The following BIRC6 variants were observed in gnomAD, a reference collection of about 807,000 sequenced individuals.
BIRC6 encodes baculoviral IAP repeat containing 6.
In BIRC6, 98 loss-of-function variants were observed where a neutral mutation model predicts 503.3. The ratio of observed to expected loss-of-function variants is 0.19; its 90% confidence interval spans 0.17 to 0.23. The LOEUF (loss-of-function observed/expected upper bound fraction) is 0.23. Ranked by LOEUF, BIRC6 falls within the 10% of genes least tolerant of loss-of-function variation. The probability of loss-of-function intolerance (pLI) is 1.00; values close to 1 mark genes in which losing one functional copy is unlikely to be tolerated. For missense variants in BIRC6, 5,360 were observed against 5,806.0 expected, an observed-to-expected ratio of 0.92 and a Z score of 2.50; for synonymous variants, 2,240 against 2,078.7, an observed-to-expected ratio of 1.08 and a Z score of -2.11.
Position 32,485,652 on chromosome 2 carries a change from C to G in BIRC6, c.7706C>G (p.Ala2569Gly), listed in dbSNP as rs754232222. 2 of 1,611,372 alleles carry G rather than the reference C, an allele frequency of 1.2e-6. No homozygotes were observed. Among genetic ancestry groups the G allele is most frequent in the South Asian group, 2.2e-5 (2 of 90,860 alleles). The part of the protein sequence containing the change: ...VSVSVSQALD[A>G]RLEVGLEQQA... ...CAATTGCTTTTTGTAGCCCTGGATG[C>G]TCGCCTAGAAGTTGGACTTGAACAG... The change falls in exon 40 of 74, where the codon GCT becomes GGT. Residue 2569 changes from alanine (A) to glycine (G), a missense_variant. By Grantham distance (60) the Ala-to-Gly change is moderately conservative. This residue lies in a region of BIRC6 where 2,299 missense variants were observed against 2,267.2 expected (regional missense o/e 1.01). Transcript: ENST00000421745.
At chr2:32,441,701 G>A (rs911097969) in intron 17 of BIRC6, among the ~76,000 whole-genome samples, 2 of 151,992 alleles carry the variant, frequency 1.3e-5, no homozygotes, top group African/African-American at 2.4e-5. Context: ...AATTTGACAC[G>A]TACTCGTCAG....
intron 65 of BIRC6, among the ~76,000 whole-genome samples, chr2:32,560,216 CTT>C (rs2059073828): frequency 2.0e-5 from 3 of 152,050 alleles, no homozygotes; most frequent in Admixed American, 6.5e-5. Context: ...AATTTGATAT[CTT>C]GAGATATTTT....
chr2:32,583,861 A>G (rs1311698521), intron 66 of BIRC6, among the ~76,000 whole-genome samples: 1 of 151,958 alleles, frequency 6.6e-6, no homozygotes, highest in Non-Finnish European at 1.5e-5. Flanking sequence ...CTCCCAAGTA[A>G]CTGGAACTAC....
At chr2:32,591,748 C>T (rs4952295) in intron 66 of BIRC6, among the ~76,000 whole-genome samples, 11,372 of 152,180 alleles carry the variant, frequency 0.075, 624 homozygotes, top group Non-Finnish European at 0.1. Flanking sequence ...ATCATAACTG[C>T]TTTCTGAAAC....
rs188685693 is a variant in BIRC6, at chr2:32,471,222, T to G, written c.6592+98T>G. 425 of 1,467,942 alleles carry G rather than the reference T, an allele frequency of 2.9e-4. 2 individuals are homozygous for G. In the African/African-American group the frequency reaches 5.4e-3, roughly 19 times the overall value. 90.9% of individuals were successfully genotyped at this position (1,467,942 alleles called of 1,614,324 possible). A position where few individuals can be genotyped will look rare whatever the true frequency, so the allele number is the denominator to read the frequency against. ...TTCGCAGTTGTTCCAGAACTGGCTA[T>G]TGGCCTGGAGCTACCAGCTGTATGT... On this transcript the variant is annotated intron_variant, in intron 32 of 73. Coordinates refer to ENST00000421745, the MANE Select transcript of BIRC6 (RefSeq NM_016252.4).
Position 32,479,475 on chromosome 2 carries a change from T to A in BIRC6, c.7266T>A (p.Ala2422=). Residue 2422 remains alanine, a synonymous_variant, in exon 37 of 74, where the codon GCT becomes GCA. Coordinates refer to ENST00000421745, the MANE Select transcript of BIRC6 (RefSeq NM_016252.4). ...LQDILAGELL[A]PVAAEAMEEG... ...CCTTACATACAGGAGAATTACTGGC[T>A]CCAGTAGCCGCAGAAGCCATGGAGG... 1.2e-6 allele frequency: 2 copies of A among 1,600,214 alleles called. No individual in the cohort carries two copies. Among genetic ancestry groups the A allele is most frequent in the Non-Finnish European group, 1.7e-6 (2 of 1,172,898 alleles).
chr2:32,435,651 C>T (rs540583739), intron 14 of BIRC6, 66 bp downstream of exon 14: 61 of 1,443,506 alleles, frequency 4.2e-5, no homozygotes, highest in African/African-American at 1.3e-4. Flanking sequence ...TGCAACATGT[C>T]GGGCAAGATT....
intron 61 of BIRC6, among the ~76,000 whole-genome samples, chr2:32,538,733 C>A (rs1009073279): frequency 2.0e-5 from 3 of 152,220 alleles, no homozygotes; most frequent in African/African-American, 7.2e-5. Context: ...GAGTTCAAGA[C>A]CAGCCTGGCC....
In BIRC6 at chr2:32,540,908, TAAA is replaced by T. The variant is rs550529332; in HGVS notation, c.12292-2330_12292-2328del. Reference sequence around the variant, plus strand: ...TTGTATACATATCTAATATAAGACTTAAAAATTTGTATCTGTATAATGGGTGAT... The same window carrying T: ...TTGTATACATATCTAATATAAGACTTAATTTGTATCTGTATAATGGGTGAT... On this transcript the variant is annotated intron_variant, in intron 61 of 73. Transcript: ENST00000421745. Among the ~76,000 whole-genome samples the T allele has an allele frequency of 4.6e-4, 70 of 152,158 alleles. 1 individual carries two copies. The highest frequency in any genetic ancestry group is 1.6e-3 in the African/African-American group (67 of 41,582).
chr2:32,366,898 C>T (rs1189933039), intron 1 of BIRC6, among the ~76,000 whole-genome samples: 2 of 151,970 alleles, frequency 1.3e-5, no homozygotes, highest in East Asian at 3.9e-4. Flanking sequence ...AGGAGTATCA[C>T]TTGAGTCCAG....
chr2:32,434,873 G>C (rs749468879), intron 13 of BIRC6, among the ~76,000 whole-genome samples: 9 of 152,000 alleles, frequency 5.9e-5, no homozygotes, highest in Non-Finnish European at 1.2e-4. Flanking sequence ...TAAATAAATA[G>C]TATTTGCATG....
At position 32,392,116 on chromosome 2, in the gene BIRC6, C is replaced by A. The variant is rs866592973; in HGVS notation, c.917C>A (p.Pro306Gln). 1 of 1,595,074 alleles carries A rather than the reference C, an allele frequency of 6.3e-7. No individual in the cohort carries two copies. Among genetic ancestry groups the A allele is most frequent in the East Asian group, 2.3e-5 (1 of 44,324 alleles). Reference sequence around the variant, plus strand: ...CATGTAGGCTATAGGTGGGCACAACCAGATCCCATGGCTCAAGCTGGATTT... The same window carrying A: ...CATGTAGGCTATAGGTGGGCACAACAAGATCCCATGGCTCAAGCTGGATTT... ...WPHVGYRWAQ[P>Q]DPMAQAGFYH... Residue 306 changes from proline to glutamine, a missense_variant, in exon 5 of 74, where the codon CCA becomes CAA. Transcript: ENST00000421745.
chr2:32,530,441 C>T (rs1217695084), intron 60 of BIRC6, among the ~76,000 whole-genome samples: 1 of 152,146 alleles, frequency 6.6e-6, no homozygotes, highest in Non-Finnish European at 1.5e-5. Flanking sequence ...TAACTCCTGA[C>T]CTCAACTTAT....
Position 32,387,564 on chromosome 2 carries a change from G to A in BIRC6, c.646-1186G>A, listed in dbSNP as rs543224795. On this transcript the variant is annotated intron_variant, in intron 3 of 73. Transcript: ENST00000421745. ...TAAATAATCATGGCTAACATTTATC[G>A]AATATTGCTGATGGCGAAGCTGGGC... is the stretch of plus-strand genomic sequence containing the variant. Among the ~76,000 whole-genome samples the A allele has an allele frequency of 3.9e-5, 6 of 152,188 alleles. No individual in the cohort carries two copies. In the East Asian group the frequency reaches 1.2e-3, roughly 29 times the overall value.
Position 32,443,602 on chromosome 2 carries a change from A to C in BIRC6, c.4336+14A>C. The C allele has an allele frequency of 6.5e-7, 1 of 1,542,396 alleles. No individual in the cohort carries two copies. ...CAACAACTGGTGGTATGTAAAATTA[A>C]TTTAATCACAAATAGTTATAGTCAT... On this transcript the variant is annotated intron_variant, in intron 20 of 73. Coordinates refer to ENST00000421745, the MANE Select transcript of BIRC6 (RefSeq NM_016252.4).
intron 21 of BIRC6, among the ~76,000 whole-genome samples, chr2:32,446,742 T>TG (rs2045990753): frequency 2.0e-5 from 2 of 98,236 alleles, no homozygotes; most frequent in African/African-American, 4.2e-5. Flanking sequence ...TGCGCTGTTT[T>TG]TTTTTTTTTT....
At chr2:32,479,398 G>A (rs2050129589) in intron 36 of BIRC6, 64 bp from the exon 37 acceptor site, 2 of 1,441,278 alleles carry the variant, frequency 1.4e-6, no homozygotes, top group Non-Finnish European at 1.9e-6. Flanking sequence ...GGAAAAAAAT[G>A]TGCTGTAATA....
intron 13 of BIRC6, among the ~76,000 whole-genome samples, chr2:32,434,984 T>G (rs968937119): frequency 6.6e-6 from 1 of 152,198 alleles, no homozygotes; most frequent in African/African-American, 2.4e-5. Flanking sequence ...CCATTTTATA[T>G]AAGGGACTGG....
At position 32,377,897 on chromosome 2, in the gene BIRC6, T is replaced by C. The variant is rs915963953; in HGVS notation, c.507+128T>C. On this transcript the variant is annotated intron_variant, in intron 2 of 73. Transcript: ENST00000421745. ...TATTGCTATAAAAACAATTTACTTA[T>C]TGACCACAACTTCATTTAAATATTA... 2.5e-5 allele frequency: 19 copies of C among 756,338 alleles called. No homozygotes were observed. In the African/African-American group the frequency reaches 2.9e-4, roughly 12 times the overall value. 46.9% of individuals were successfully genotyped at this position (756,338 alleles called of 1,614,324 possible).
Sources: allele counts gnomAD v4.1 joint callset (sites outside exome capture counted in the v4.1 genomes callset), GRCh38; gene constraint gnomAD v4.1.1; regional missense constraint gnomAD v4.1.1; transcripts MANE v1.5; gene names NCBI Gene and HGNC (gene_info 2026-07-23, HGNC 2026-07-21).